KALRN: variants seen among roughly 807,000 people sequenced by gnomAD.
The protein encoded by KALRN is kalirin.
KALRN carries 70 observed loss-of-function variants against 353.7 expected under a neutral mutation model. The observed-to-expected ratio is 0.20, with a 90% confidence interval of 0.16 to 0.24. The LOEUF (loss-of-function observed/expected upper bound fraction) is 0.24, where lower values mean the gene tolerates loss of function less well. Among genes scored for constraint, KALRN ranks in the 10% least tolerant of loss-of-function variants. The probability of loss-of-function intolerance (pLI) is 1.00; values close to 1 mark genes in which losing one functional copy is unlikely to be tolerated. For synonymous variants in KALRN, 1,391 were observed against 1,434.8 expected (o/e 0.97, Z 0.69); for missense variants, 2,791 against 3,756.7 (o/e 0.74, Z 6.72).
chr3:124,596,813 C>T (rs569232666), intron 34 of KALRN, among the ~76,000 whole-genome samples: 182 of 152,208 alleles, frequency 1.2e-3, no homozygotes, highest in African/African-American at 4.1e-3. Flanking sequence ...TTTGGGAGGC[C>T]GAGGTGGGTA....
At chr3:124,567,988 AAG>A (rs1391742006) in intron 34 of KALRN, among the ~76,000 whole-genome samples, 146 of 127,326 alleles carry the variant, frequency 1.1e-3, no homozygotes, top group African/African-American at 3.0e-3. Context: ...GGGAAAAAAA[AAG>A]AAGAAGAACA....
intron 1 of KALRN, among the ~76,000 whole-genome samples, chr3:124,159,216 A>G (rs2069507876): frequency 6.6e-6 from 1 of 152,064 alleles, no homozygotes; most frequent in Non-Finnish European, 1.5e-5. Context: ...TACTTGGCTT[A>G]TGCCACACCT....
intron 21 of KALRN, among the ~76,000 whole-genome samples, chr3:124,454,721 T>C (rs1202841444): frequency 6.6e-6 from 1 of 152,204 alleles, no homozygotes; most frequent in Non-Finnish European, 1.5e-5. Flanking sequence ...ATACAGACTT[T>C]TTTTGTTCTT....
intron 3 of KALRN, among the ~76,000 whole-genome samples, chr3:124,258,789 C>G (rs1413045039): frequency 1.3e-5 from 2 of 152,212 alleles, no homozygotes; most frequent in African/African-American, 4.8e-5. Context: ...ATACAATTGG[C>G]CCTCTAAATC....
intron 10 of KALRN, among the ~76,000 whole-genome samples, chr3:124,378,963 T>C (rs1167071574): frequency 1.2e-4 from 18 of 152,046 alleles, no homozygotes; most frequent in Non-Finnish European, 1.5e-5. Flanking sequence ...TTGTTATATT[T>C]GAAAACTTCT....
chr3:124,663,983 T>C (rs1398767515), intron 45 of KALRN, among the ~76,000 whole-genome samples: 1 of 152,074 alleles, frequency 6.6e-6, no homozygotes, highest in Non-Finnish European at 1.5e-5. Context: ...ATGTGGATGG[T>C]TTTCTTTGCT....
intron 33 of KALRN, among the ~76,000 whole-genome samples, chr3:124,528,478 A>G (rs1249893068): frequency 2.0e-5 from 3 of 152,060 alleles, no homozygotes; most frequent in Non-Finnish European, 4.4e-5. Context: ...GGACTCATCA[A>G]ATTTATGCAG....
At position 124,720,096 on chromosome 3, in the gene KALRN, GT is replaced by G. The variant is rs576349195; in HGVS notation, c.*633del. The stretch of plus-strand genomic sequence containing the variant: ...TTGACTAAGCACAATTAGATGACAA[GT>G]TTTTTTAGAGCATTTTATAGATCTT... On this transcript the variant is annotated 3_prime_UTR_variant, in exon 60 of 60. Coordinates refer to ENST00000682506, the MANE Select transcript of KALRN (RefSeq NM_001388419.1). 1.5e-3 allele frequency: 236 copies of G among 152,680 alleles called. No homozygotes were observed. The highest frequency in any genetic ancestry group is 5.5e-3 in the African/African-American group (227 of 41,540). 9.5% of individuals were successfully genotyped at this position (152,680 alleles called of 1,614,324 possible).
intron 1 of KALRN, among the ~76,000 whole-genome samples, chr3:124,062,100 T>A (rs892036928): frequency 7.9e-5 from 12 of 152,216 alleles, no homozygotes; most frequent in African/African-American, 2.7e-4. Context: ...TGCACATTTT[T>A]AAAAAGTTGT....
At position 124,180,012 on chromosome 3, in the gene KALRN, C is replaced by T. The variant is rs570533530; in HGVS notation, c.74-47978C>T. On this transcript the variant is annotated intron_variant, in intron 1 of 59. Transcript: ENST00000682506. ...CCCGAGATACATAGTTGTATAGCTT[C>T]CTTTTCATCAGTTGTCCACTAACCA... Among the ~76,000 whole-genome samples, 5 of 152,324 alleles carry T rather than the reference C, an allele frequency of 3.3e-5. No individual in the cohort carries two copies. The South Asian group carries it at 1.0e-3, about 32-fold the overall frequency.
At chr3:124,635,683 T>C (rs972462274) in intron 36 of KALRN, among the ~76,000 whole-genome samples, 9 of 152,186 alleles carry the variant, frequency 5.9e-5, no homozygotes, top group Non-Finnish European at 8.8e-5. Context: ...AATTGTCTTC[T>C]CCTTGTTTCC....
intron 16 of KALRN, among the ~76,000 whole-genome samples, chr3:124,432,966 C>T (rs1000914250): frequency 4.6e-5 from 7 of 152,286 alleles, no homozygotes; most frequent in African/African-American, 1.7e-4. Flanking sequence ...ATGAAGGGAA[C>T]GGAACCAGAA....
intron 33 of KALRN, among the ~76,000 whole-genome samples, chr3:124,520,055 C>T (rs2067031872): frequency 2.0e-5 from 3 of 151,970 alleles, no homozygotes; most frequent in African/African-American, 7.3e-5. Context: ...ATTTTGTCTT[C>T]TGGTTGCCTA....
intron 1 of KALRN, among the ~76,000 whole-genome samples, chr3:124,061,951 TAA>T (rs3053213): frequency 0.88 from 134,430 of 152,042 alleles, 60,180 homozygotes; most frequent in East Asian, 0.99. Context: ...TTTTACTTTC[TAA>T]GACTTGATGC....
At chr3:124,406,616 G>A (rs968979230) in intron 13 of KALRN, among the ~76,000 whole-genome samples, 1 of 152,148 alleles carries the variant, frequency 6.6e-6, no homozygotes, top group African/African-American at 2.4e-5. Flanking sequence ...TCCCATCACA[G>A]TGAAATGCCA....
At chr3:124,242,145 G>C (rs934399378) in intron 3 of KALRN, among the ~76,000 whole-genome samples, 4 of 152,204 alleles carry the variant, frequency 2.6e-5, no homozygotes, top group Admixed American at 6.5e-5. Flanking sequence ...ATTCACTCTG[G>C]CAACTGAGTG....
intron 3 of KALRN, among the ~76,000 whole-genome samples, chr3:124,238,694 T>G (rs2080085407): frequency 6.6e-6 from 1 of 152,082 alleles, no homozygotes; most frequent in Non-Finnish European, 1.5e-5. Context: ...CTAAGAGAAC[T>G]TCTTTTTAGT....
intron 42 of KALRN, among the ~76,000 whole-genome samples, chr3:124,658,885 G>A (rs16835783): frequency 0.12 from 18,743 of 152,174 alleles, 1,258 homozygotes; most frequent in African/African-American, 0.16. Context: ...TTGGTTGAAG[G>A]GTTTGCAGCC....
chr3:124,472,097 G>T (rs971379469), intron 25 of KALRN, among the ~76,000 whole-genome samples: 11 of 152,070 alleles, frequency 7.2e-5, no homozygotes, highest in African/African-American at 2.4e-4. Flanking sequence ...TCTTCCCATA[G>T]GTTTTTGGTA....
Sources: allele counts gnomAD v4.1 joint callset (sites outside exome capture counted in the v4.1 genomes callset), GRCh38; gene constraint gnomAD v4.1.1; transcripts MANE v1.5; gene names NCBI Gene and HGNC (gene_info 2026-07-23, HGNC 2026-07-21).